The following SKAP1 variants were observed in gnomAD, a reference collection of about 807,000 sequenced individuals.
SKAP1 encodes the protein src kinase associated phosphoprotein 1.
Under a neutral mutation model 58.5 loss-of-function variants are expected in SKAP1, and 44 were observed. The ratio of observed to expected loss-of-function variants is 0.75; its 90% CI spans 0.59 to 0.97. The LOEUF (loss-of-function observed/expected upper bound fraction) is 0.97. SKAP1 is among the 50% of genes least tolerant of loss of function. The probability of loss-of-function intolerance (pLI) is 0.00; values close to 1 mark genes in which losing one functional copy is unlikely to be tolerated. For synonymous variants in SKAP1, 127 were observed against 149.7 expected (o/e 0.85, Z 1.11); for missense variants, 390 against 435.2 (o/e 0.90, Z 0.92).
chr17:48,186,468 T>G lies in SKAP1; in HGVS notation c.442+1375A>C, dbSNP rs1276105374. 4.6e-5 allele frequency among the ~76,000 whole-genome samples: 7 copies of G among 151,096 alleles called. No individual in the cohort carries two copies. In the East Asian group the frequency reaches 1.4e-3, roughly 29 times the overall value. On this transcript the variant is annotated intron_variant, in intron 6 of 12. Coordinates refer to ENST00000336915, the MANE Select transcript of SKAP1 (RefSeq NM_003726.4). Reference sequence around the variant, plus strand: ...AAAGCTGCAGTTTTTATTTATTTATTTATTTATTTATTTATTTATTTATTT... The same window carrying G: ...AAAGCTGCAGTTTTTATTTATTTATGTATTTATTTATTTATTTATTTATTT...
At chr17:48,300,684 T>C (rs983309064) in intron 4 of SKAP1, among the ~76,000 whole-genome samples, 1 of 152,220 alleles carries the variant, frequency 6.6e-6, no homozygotes, top group African/African-American at 2.4e-5. Context: ...TAATGTTTGT[T>C]GAATAGATTG....
chr17:48,424,117 C>T (rs2067826878), intron 1 of SKAP1, among the ~76,000 whole-genome samples: 1 of 152,044 alleles, frequency 6.6e-6, no homozygotes, highest in Non-Finnish European at 1.5e-5. Flanking sequence ...TCCAGATCAA[C>T]GGCAGATTCA....
chr17:48,261,307 T>A (rs1053921990), intron 4 of SKAP1, among the ~76,000 whole-genome samples: 1 of 152,148 alleles, frequency 6.6e-6, no homozygotes, highest in African/African-American at 2.4e-5. Flanking sequence ...AAGAGTGACA[T>A]GCCTGTGACT....
At chr17:48,249,576 C>T (rs967244236) in intron 4 of SKAP1, among the ~76,000 whole-genome samples, 1 of 151,562 alleles carries the variant, frequency 6.6e-6, no homozygotes, top group African/African-American at 2.4e-5. Context: ...CGGGAGGCTG[C>T]GACAGGAGAA....
chr17:48,378,603 C>T (rs931787717), intron 2 of SKAP1, among the ~76,000 whole-genome samples: 2 of 152,156 alleles, frequency 1.3e-5, no homozygotes, highest in Non-Finnish European at 2.9e-5. Context: ...GTTCAAGCAC[C>T]CTCTGCCAGC....
chr17:48,237,212 A>G (rs2143807447), intron 4 of SKAP1, among the ~76,000 whole-genome samples: 2 of 152,344 alleles, frequency 1.3e-5, no homozygotes, highest in Middle Eastern at 6.8e-3. Flanking sequence ...AAAGATTTTC[A>G]GGGCTATGGT....
chr17:48,168,385 G>A (rs886738594), intron 10 of SKAP1, among the ~76,000 whole-genome samples: 4 of 152,200 alleles, frequency 2.6e-5, no homozygotes, highest in African/African-American at 7.2e-5. Context: ...GGCTGGGCGT[G>A]GTGGCTCATG....
chr17:48,163,890 G>A (rs1216382159), intron 10 of SKAP1, among the ~76,000 whole-genome samples: 1 of 152,148 alleles, frequency 6.6e-6, no homozygotes, highest in East Asian at 1.9e-4. Flanking sequence ...AACAGAGGAG[G>A]GAGAGAACTA....
intron 4 of SKAP1, among the ~76,000 whole-genome samples, chr17:48,195,423 T>C (rs2064612917): frequency 6.6e-6 from 1 of 152,224 alleles, no homozygotes. Flanking sequence ...TTTACACTTA[T>C]ACCACACATT....
chr17:48,331,241 G>T (rs1057257743), intron 4 of SKAP1, among the ~76,000 whole-genome samples: 1 of 152,226 alleles, frequency 6.6e-6, no homozygotes, highest in African/African-American at 2.4e-5. Flanking sequence ...TGAGTTAAGG[G>T]AGCAGTTTTT....
intron 4 of SKAP1, among the ~76,000 whole-genome samples, chr17:48,320,622 G>A (rs2066350043): frequency 6.6e-6 from 1 of 152,134 alleles, no homozygotes. Flanking sequence ...TCAAAAGAGA[G>A]AGGATTTCTT....
chr17:48,139,872 T>G (rs1275045526), intron 11 of SKAP1, among the ~76,000 whole-genome samples: 3 of 152,030 alleles, frequency 2.0e-5, no homozygotes, highest in African/African-American at 7.3e-5. Flanking sequence ...GAAGCACCCC[T>G]CCCCTGGTTT....
intron 2 of SKAP1, among the ~76,000 whole-genome samples, chr17:48,381,117 C>A (rs1039557745): frequency 7.9e-5 from 12 of 152,194 alleles, no homozygotes; most frequent in Non-Finnish European, 1.8e-4. Flanking sequence ...TATGCTCTTT[C>A]TTTGCAACCA....
chr17:48,204,290 A>G (rs1473880078), intron 4 of SKAP1: 8 of 148,830 alleles, frequency 5.4e-5, no homozygotes, highest in Admixed American at 4.0e-4. Context: ...TTTAGTAGAG[A>G]CGGGGTTTCA....
At chr17:48,261,251 T>A (rs2065481140) in intron 4 of SKAP1, among the ~76,000 whole-genome samples, 1 of 152,176 alleles carries the variant, frequency 6.6e-6, no homozygotes, top group Non-Finnish European at 1.5e-5. Flanking sequence ...TACGCCATGC[T>A]TTAATGCTGT....
In SKAP1 at chr17:48,298,298, A is replaced by G. The variant is rs528769720; in HGVS notation, c.280+47607T>C. Among the ~76,000 whole-genome samples the G allele has an allele frequency of 1.7e-4, 26 of 152,336 alleles. No homozygotes were observed. In the South Asian group the frequency reaches 3.7e-3, roughly 22 times the overall value. On this transcript the variant is annotated intron_variant, in intron 4 of 12. Transcript: ENST00000336915. ...TCAGAGTGAGCGTCAACAAACAACT[A>G]GTCAGAAGCTGCGGGCAAAGCAGTT...
chr17:48,409,162 T>G (rs928669368), intron 1 of SKAP1, among the ~76,000 whole-genome samples: 7 of 152,216 alleles, frequency 4.6e-5, no homozygotes, highest in African/African-American at 1.7e-4. Context: ...GCAACCAAGA[T>G]AGTCTTACCA....
At chr17:48,286,693 C>T (rs2065833772) in intron 4 of SKAP1, among the ~76,000 whole-genome samples, 1 of 152,250 alleles carries the variant, frequency 6.6e-6, no homozygotes, top group Non-Finnish European at 1.5e-5. Flanking sequence ...AACAAACACA[C>T]ACACACTCGA....
At chr17:48,395,268 A>C (rs2067402259) in intron 2 of SKAP1, among the ~76,000 whole-genome samples, 1 of 152,220 alleles carries the variant, frequency 6.6e-6, no homozygotes, top group Non-Finnish European at 1.5e-5. Context: ...ATTGAAATTT[A>C]GTCCTTTCTC....
Sources: gnomAD v4.1 joint callset for allele counts (sites outside exome capture counted in the v4.1 genomes callset) on GRCh38, gnomAD v4.1.1 for gene constraint, MANE v1.5 for transcripts, NCBI Gene and HGNC (gene_info 2026-07-23, HGNC 2026-07-21) for gene names.